The following PRR9 variants were observed in gnomAD, a reference collection of about 807,000 sequenced individuals.
PRR9 encodes proline rich 9.
Under a neutral mutation model 2.6 loss-of-function variants are expected in PRR9, and 3 were observed. The ratio of observed to expected loss-of-function variants is 1.15; its 90% CI spans 0.53 to 2.98. PRR9 has a LOEUF of 2.98. Ranked by LOEUF, PRR9 falls within the 30% of genes most tolerant of loss-of-function variation. The pLI is 0.03. For missense variants in PRR9, 141 were observed against 132.0 expected (o/e 1.07, Z -0.33); for synonymous variants, 48 against 50.4 (o/e 0.95, Z 0.20).
Position 153,218,543 on chromosome 1 carries a change from C to A in PRR9, c.*48C>A. 7.2e-7 allele frequency: 1 copy of A among 1,397,248 alleles called. No individual in the cohort carries two copies. The highest frequency in any genetic ancestry group is 9.8e-7 in the Non-Finnish European group (1 of 1,021,340). The allele number at this position is 1,397,248 out of a possible 1,614,324, so 86.6% of individuals were successfully genotyped here. On this transcript the variant is annotated 3_prime_UTR_variant, in exon 2 of 2. Transcript: ENST00000368744. Reference sequence around the variant, plus strand: ...CAAGAAGATGGCCAGCAGATGAAACCCTGACCCCAGCCCACGCTCTGGTGA... The same window carrying A: ...CAAGAAGATGGCCAGCAGATGAAACACTGACCCCAGCCCACGCTCTGGTGA...
At position 153,218,152 on chromosome 1, in the gene PRR9, T is replaced by C. The variant is rs1185256868; in HGVS notation, c.8T>C (p.Phe3Ser). 2 of 1,544,434 alleles carry C rather than the reference T, an allele frequency of 1.3e-6. No homozygotes were observed. Residue 3 changes from phenylalanine to serine, a missense_variant, in exon 2 of 2, where the codon TTC becomes TCC. Transcript: ENST00000368744. ...TCTGCAAATCACCCTAGGATGTCCT[T>C]CAGTGAGCAGCAGTGCAAGCAGCCA... MSFSEQQCKQPCV... is the reference protein window; with the variant it reads MSSSEQQCKQPCV...
At position 153,218,980 on chromosome 1, in the gene PRR9, T is replaced by C. The variant is rs1657983329; in HGVS notation, c.*485T>C. The stretch of plus-strand genomic sequence containing the variant: ...AAAGCGGCTTGCGGTGTTTCAAAAA[T>C]CAAAAATTTGGTGATTTTGTCTCTG... On this transcript the variant is annotated 3_prime_UTR_variant, in exon 2 of 2. Transcript: ENST00000368744. 1 of 169,940 alleles carries C rather than the reference T, an allele frequency of 5.9e-6. No homozygotes were observed. The highest frequency in any genetic ancestry group is 1.4e-5 in the Non-Finnish European group (1 of 69,628). The allele number at this position is 169,940 out of a possible 1,614,324, so 10.5% of individuals were successfully genotyped here. A position where few individuals can be genotyped will look rare whatever the true frequency, so the allele number is the denominator to read the frequency against.
chr1:153,218,555 C>T lies in PRR9; in HGVS notation c.*60C>T. ...CAGCAGATGAAACCCTGACCCCAGCCCACGCTCTGGTGACCTTCTTCTGTG... is the reference window on the plus strand; with the variant it reads ...CAGCAGATGAAACCCTGACCCCAGCTCACGCTCTGGTGACCTTCTTCTGTG... On this transcript the variant is annotated 3_prime_UTR_variant, in exon 2 of 2. Transcript: ENST00000368744. The T allele has an allele frequency of 7.8e-7, 1 of 1,282,454 alleles. No homozygotes were observed. The highest frequency in any genetic ancestry group is 1.1e-6 in the Non-Finnish European group (1 of 923,372). 79.4% of individuals were successfully genotyped at this position (1,282,454 alleles called of 1,614,324 possible).
In PRR9 at chr1:153,218,302, G is replaced by T; in HGVS notation, c.158G>T (p.Cys53Phe). The T allele has an allele frequency of 6.4e-7, 1 of 1,550,578 alleles. No homozygotes were observed. Among genetic ancestry groups the T allele is most frequent in the Non-Finnish European group, 8.7e-7 (1 of 1,146,998 alleles). ...DKCLVQAQEV[C>F]LSQCQESSQE... Reference sequence around the variant, plus strand: ...TGTCTAGTGCAGGCCCAGGAGGTATGTCTTTCTCAGTGCCAGGAATCAAGT... The same window carrying T: ...TGTCTAGTGCAGGCCCAGGAGGTATTTCTTTCTCAGTGCCAGGAATCAAGT... Residue 53 changes from cysteine to phenylalanine, a missense_variant, in exon 2 of 2, where the codon TGT (cysteine) becomes TTT (phenylalanine). Transcript: ENST00000368744.
Position 153,218,602 on chromosome 1 carries a change from C to T in PRR9, c.*107C>T. ...TGTGGGTACCTCTGTGTGCAATGTA[C>T]CTTCTTGCCTCCTGGCTTCCTTAGC... On this transcript the variant is annotated 3_prime_UTR_variant, in exon 2 of 2. Coordinates refer to ENST00000368744, the MANE Select transcript of PRR9 (RefSeq NM_001195571.2). The T allele has an allele frequency of 2.7e-6, 2 of 744,552 alleles. No homozygotes were observed. Among genetic ancestry groups the T allele is most frequent in the Middle Eastern group, 3.8e-4 (1 of 2,646 alleles). The allele number at this position is 744,552 out of a possible 1,614,324, so 46.1% of individuals were successfully genotyped here. A position where few individuals can be genotyped will look rare whatever the true frequency, so the allele number is the denominator to read the frequency against.
Position 153,219,199 on chromosome 1 carries a change from T to C in PRR9, c.*704T>C, listed in dbSNP as rs1485335340. On this transcript the variant is annotated 3_prime_UTR_variant, in exon 2 of 2. Coordinates refer to ENST00000368744, the MANE Select transcript of PRR9 (RefSeq NM_001195571.2). ...CCCTTAGTTCTCACCATGTACACTC[T>C]TTAGAGATGTGATTTGTGTCTGTGT... The C allele has an allele frequency of 6.0e-6, 1 of 167,316 alleles. No homozygotes were observed. The highest frequency in any genetic ancestry group is 2.4e-5 in the African/African-American group (1 of 41,448). The allele number at this position is 167,316 out of a possible 1,614,324, so 10.4% of individuals were successfully genotyped here.
rs556539664 is a variant in PRR9 at position 153,218,853 on chromosome 1, A to G, written c.*358A>G. 7.3e-4 allele frequency: 152 copies of G among 206,984 alleles called. 5 individuals are homozygous for G. The South Asian group carries it at 0.015, about 21-fold the overall frequency. The allele number at this position is 206,984 out of a possible 1,614,324, so 12.8% of individuals were successfully genotyped here. ...ACCTTCATTCATCTTTCAGAGTTTC[A>G]GGCTCTCAAATAAGCCTCAAAACAA... On this transcript the variant is annotated 3_prime_UTR_variant, in exon 2 of 2. Coordinates refer to ENST00000368744, the MANE Select transcript of PRR9 (RefSeq NM_001195571.2).
chr1:153,218,394 C>CAGTGT lies in PRR9; in HGVS notation c.251_255dup (p.Ala86SerfsTer51). 1 of 1,550,670 alleles carries CAGTGT rather than the reference C, an allele frequency of 6.4e-7. No individual in the cohort carries two copies. The highest frequency in any genetic ancestry group is 8.7e-7 in the Non-Finnish European group (1 of 1,147,016). On this transcript the variant is annotated frameshift_variant, in exon 2 of 2. Transcript: ENST00000368744. LOFTEE classifies it high-confidence loss of function. ...TCCATGCCAAGACCAGTGTCCACCT[C>CAGTGT]AGTGTGCAGAGCCATGCCAGGAGCT...
At position 153,218,194 on chromosome 1, in the gene PRR9, G is replaced by T. The variant is rs1234340318; in HGVS notation, c.50G>T (p.Cys17Phe). ...QCKQPCVPPP[C>F]LPKTQEQCQA... ...AAGCAGCCATGTGTGCCCCCTCCAT[G>T]CCTCCCAAAGACCCAGGAGCAGTGC... Residue 17 changes from cysteine to phenylalanine, a missense_variant, in exon 2 of 2, where the codon TGC (cysteine) becomes TTC (phenylalanine). Transcript: ENST00000368744. 1 of 1,550,700 alleles carries T rather than the reference G, an allele frequency of 6.4e-7. No homozygotes were observed.
At position 153,219,188 on chromosome 1, in the gene PRR9, C is replaced by T. The variant is rs1571062687; in HGVS notation, c.*693C>T. 6.0e-6 allele frequency: 1 copy of T among 167,518 alleles called. No individual in the cohort carries two copies. Among genetic ancestry groups the T allele is most frequent in the East Asian group, 1.9e-4 (1 of 5,196 alleles). 10.4% of individuals were successfully genotyped at this position (167,518 alleles called of 1,614,324 possible). ...TCTAATGTGGGCCCTTAGTTCTCAC[C>T]ATGTACACTCTTTAGAGATGTGATT... On this transcript the variant is annotated 3_prime_UTR_variant, in exon 2 of 2. Coordinates refer to ENST00000368744, the MANE Select transcript of PRR9 (RefSeq NM_001195571.2).
At position 153,218,544 on chromosome 1, in the gene PRR9, C is replaced by A; in HGVS notation, c.*49C>A. On this transcript the variant is annotated 3_prime_UTR_variant, in exon 2 of 2. Transcript: ENST00000368744. ...AAGAAGATGGCCAGCAGATGAAACC[C>A]TGACCCCAGCCCACGCTCTGGTGAC... 2 of 1,382,552 alleles carry A rather than the reference C, an allele frequency of 1.4e-6. No individual in the cohort carries two copies. The highest frequency in any genetic ancestry group is 1.3e-5 in the South Asian group (1 of 74,232). 85.6% of individuals were successfully genotyped at this position (1,382,552 alleles called of 1,614,324 possible).
chr1:153,218,125 G>A lies in PRR9; in HGVS notation c.-20G>A, dbSNP rs1657962160. 6.7e-7 allele frequency: 1 copy of A among 1,492,630 alleles called. No homozygotes were observed. Among genetic ancestry groups the A allele is most frequent in the Non-Finnish European group, 8.9e-7 (1 of 1,117,800 alleles). The allele number at this position is 1,492,630 out of a possible 1,614,324, so 92.5% of individuals were successfully genotyped here. A position where few individuals can be genotyped will look rare whatever the true frequency, so the allele number is the denominator to read the frequency against. On this transcript the variant is annotated splice_region_variant and 5_prime_UTR_variant, in exon 2 of 2. Transcript: ENST00000368744. ...ATTTCGAATCTTGTGTTTTTTTCAG[G>A]CTCTGCAAATCACCCTAGGATGTCC...
At chr1:153,217,739 G>A (rs772238671) in intron 1 of PRR9, 120 bp downstream of exon 1, 23 of 168,760 alleles carry the variant, frequency 1.4e-4, no homozygotes, top group Non-Finnish European at 2.5e-4. Flanking sequence ...CATTTCTTGG[G>A]CCTCACAAAC....
chr1:153,218,160 C>T lies in PRR9; in HGVS notation c.16C>T (p.Gln6Ter). The T allele has an allele frequency of 6.5e-7, 1 of 1,546,968 alleles. No homozygotes were observed. Among genetic ancestry groups the T allele is most frequent in the African/African-American group, 1.4e-5 (1 of 73,016 alleles). Residue 6 changes from glutamine to a stop codon, truncating the protein, a stop_gained, in exon 2 of 2, where the codon CAG becomes TAG. Coordinates refer to ENST00000368744, the MANE Select transcript of PRR9 (RefSeq NM_001195571.2). LOFTEE classifies it low-confidence loss of function (END_TRUNC). ...TCACCCTAGGATGTCCTTCAGTGAG[C>T]AGCAGTGCAAGCAGCCATGTGTGCC... MSFSE[Q>*]QCKQPCVPPP...
In PRR9 at chr1:153,218,252, A is replaced by G; in HGVS notation, c.108A>G (p.Thr36=). 6.4e-7 allele frequency: 1 copy of G among 1,550,576 alleles called. No individual in the cohort carries two copies. Among genetic ancestry groups the G allele is most frequent in the South Asian group, 1.2e-5 (1 of 84,062 alleles). ...QAKAEEVCLP[T]CQHPCQDKCL... is the part of the protein sequence containing the mutation. ...AGGCTGAGGAGGTGTGCCTCCCCAC[A>G]TGCCAGCACCCCTGCCAAGATAAGT... The change falls in exon 2 of 2, where the codon ACA becomes ACG. Residue 36 remains threonine (T), a synonymous_variant. Coordinates refer to ENST00000368744, the MANE Select transcript of PRR9 (RefSeq NM_001195571.2).
At position 153,219,234 on chromosome 1, in the gene PRR9, T is replaced by C. The variant is rs753162771; in HGVS notation, c.*739T>C. The stretch of plus-strand genomic sequence containing the variant: ...TGATTTGTGTCTGTGTGATGCAGGC[T>C]GGTCTGTTCTCCAGCTTCCTTGCCT... On this transcript the variant is annotated 3_prime_UTR_variant, in exon 2 of 2. Coordinates refer to ENST00000368744, the MANE Select transcript of PRR9 (RefSeq NM_001195571.2). 2 of 167,252 alleles carry C rather than the reference T, an allele frequency of 1.2e-5. No individual in the cohort carries two copies. Among genetic ancestry groups the C allele is most frequent in the Non-Finnish European group, 2.9e-5 (2 of 68,264 alleles). 10.4% of individuals were successfully genotyped at this position (167,252 alleles called of 1,614,324 possible). A position where few individuals can be genotyped will look rare whatever the true frequency, so the allele number is the denominator to read the frequency against.
In PRR9 at chr1:153,219,261, CT is replaced by C; in HGVS notation, c.*768del. ...GTCTGTTCTCCAGCTTCCTTGCCTT[CT>C]TCTCCCTGGTGAAGGTAAAATACAT... On this transcript the variant is annotated 3_prime_UTR_variant, in exon 2 of 2. Coordinates refer to ENST00000368744, the MANE Select transcript of PRR9 (RefSeq NM_001195571.2). 6.0e-6 allele frequency: 1 copy of C among 167,288 alleles called. No individual in the cohort carries two copies. Among genetic ancestry groups the C allele is most frequent in the South Asian group, 2.1e-4 (1 of 4,820 alleles). 10.4% of individuals were successfully genotyped at this position (167,288 alleles called of 1,614,324 possible).
Position 153,218,560 on chromosome 1 carries a change from C to T in PRR9, c.*65C>T. Reference sequence around the variant, plus strand: ...GATGAAACCCTGACCCCAGCCCACGCTCTGGTGACCTTCTTCTGTGGGTAC... The same window carrying T: ...GATGAAACCCTGACCCCAGCCCACGTTCTGGTGACCTTCTTCTGTGGGTAC... On this transcript the variant is annotated 3_prime_UTR_variant, in exon 2 of 2. Transcript: ENST00000368744. The T allele has an allele frequency of 1.7e-6, 2 of 1,173,412 alleles. No individual in the cohort carries two copies. Among genetic ancestry groups the T allele is most frequent in the Non-Finnish European group, 2.4e-6 (2 of 828,008 alleles). The allele number at this position is 1,173,412 out of a possible 1,614,324, so 72.7% of individuals were successfully genotyped here. A position where few individuals can be genotyped will look rare whatever the true frequency, so the allele number is the denominator to read the frequency against.
rs1657978235 is a variant in PRR9 at position 153,218,741 on chromosome 1, G to A, written c.*246G>A. ...GGAAGGTCTCAAATGTAGGAATGGTGTGGTTGTCAGGGAAGACCACAGAAG... is the reference window on the plus strand; with the variant it reads ...GGAAGGTCTCAAATGTAGGAATGGTATGGTTGTCAGGGAAGACCACAGAAG... On this transcript the variant is annotated 3_prime_UTR_variant, in exon 2 of 2. Coordinates refer to ENST00000368744, the MANE Select transcript of PRR9 (RefSeq NM_001195571.2). 1 of 481,258 alleles carries A rather than the reference G, an allele frequency of 2.1e-6. No individual in the cohort carries two copies. The highest frequency in any genetic ancestry group is 3.8e-6 in the Non-Finnish European group (1 of 260,086). 29.8% of individuals were successfully genotyped at this position (481,258 alleles called of 1,614,324 possible).
Sources: gnomAD v4.1 joint callset for allele counts on GRCh38, gnomAD v4.1.1 for gene constraint, MANE v1.5 for transcripts, NCBI Gene and HGNC (gene_info 2026-07-23, HGNC 2026-07-21) for gene names.